Variants in B4GALT1 observed in about 807,000 individuals in gnomAD.
B4GALT1 encodes the protein beta-1,4-galactosyltransferase 1, also known as N-acetyllactosamine synthase.
Under a neutral mutation model 34.9 loss-of-function variants are expected in B4GALT1, and 16 were observed. The observed-to-expected ratio is 0.46, with a 90% CI of 0.31 to 0.70. B4GALT1 has a LOEUF of 0.70. Among genes scored for constraint, B4GALT1 ranks in the 30% least tolerant of loss-of-function variants. B4GALT1 has a pLI of 0.05. For missense variants in B4GALT1, 445 were observed against 530.5 expected (o/e 0.84, Z 1.58); for synonymous variants, 221 against 218.1 (o/e 1.01, Z -0.12).
the B4GALT1 span, among the ~76,000 whole-genome samples, chr9:33,184,691 A>G: frequency 2.0e-5 from 3 of 152,232 alleles, no homozygotes; most frequent in Non-Finnish European, 4.4e-5. Flanking sequence ...GGCAATACCA[A>G]TGCTGCTGAT....
upstream of B4GALT1, among the ~76,000 whole-genome samples, chr9:33,168,388 C>T (rs1013985134): frequency 6.6e-6 from 1 of 152,234 alleles, no homozygotes; most frequent in Non-Finnish European, 1.5e-5. Context: ...CAGAGAAAGA[C>T]TCATGGAGGT....
intron 4 of B4GALT1, among the ~76,000 whole-genome samples, chr9:33,114,083 C>T (rs937150656): frequency 1.3e-5 from 2 of 152,198 alleles, no homozygotes; most frequent in Admixed American, 1.3e-4. Context: ...ACTGGTTCTG[C>T]GGTTTGTGGT....
chr9:33,132,568 C>T (rs1840209335), intron 2 of B4GALT1, among the ~76,000 whole-genome samples: 1 of 152,242 alleles, frequency 6.6e-6, no homozygotes, highest in Non-Finnish European at 1.5e-5. Flanking sequence ...CACAGCTGTG[C>T]CACCGGTCTG....
chr9:33,166,825 G>C lies in B4GALT1; in HGVS notation c.345C>G (p.Thr115=), dbSNP rs1840763611. ...CGGTGGTGTGGGGCACTGGGACCGA[G>C]GTCAAGTTGCTAGCGGGGCCAGGGC... ...DSGPGPASNL[T]SVPVPHTTAL... Residue 115 remains threonine, a synonymous_variant, in exon 1 of 6, where the codon ACC becomes ACG. Coordinates refer to ENST00000379731, the MANE Select transcript of B4GALT1 (RefSeq NM_001497.4). 5.8e-6 allele frequency: 9 copies of C among 1,551,980 alleles called. No individual in the cohort carries two copies. The highest frequency in any genetic ancestry group is 1.7e-4 in the Middle Eastern group (1 of 5,838).
chr9:33,138,869 C>A (rs1229772244), intron 1 of B4GALT1, among the ~76,000 whole-genome samples: 2 of 152,168 alleles, frequency 1.3e-5, no homozygotes, highest in Non-Finnish European at 2.9e-5. Flanking sequence ...GCAACTGACA[C>A]CACCATCTCC....
chr9:33,176,237 C>G, the B4GALT1 span, among the ~76,000 whole-genome samples: 1 of 152,148 alleles, frequency 6.6e-6, no homozygotes, highest in Non-Finnish European at 1.5e-5. Context: ...TCACTGGGTA[C>G]CCGGTGTGCT....
chr9:33,131,023 G>A (rs1840187521), intron 2 of B4GALT1, among the ~76,000 whole-genome samples: 2 of 152,142 alleles, frequency 1.3e-5, no homozygotes, highest in South Asian at 2.1e-4. Context: ...CACCAAGGAG[G>A]AAACTGAGGC....
chr9:33,118,319 A>G (rs79530782), intron 3 of B4GALT1, among the ~76,000 whole-genome samples: 10,792 of 152,150 alleles, frequency 0.071, 594 homozygotes, highest in African/African-American at 0.15. Context: ...GCTCCCAGCA[A>G]GGGAGGACAG....
the B4GALT1 span, among the ~76,000 whole-genome samples, chr9:33,180,673 G>A: frequency 0.039 from 5,864 of 152,168 alleles, 155 homozygotes; most frequent in Non-Finnish European, 0.062. Context: ...GCCTCTTAGC[G>A]TCACTCCTAA....
intron 1 of B4GALT1, among the ~76,000 whole-genome samples, chr9:33,157,868 T>C (rs1840619089): frequency 6.6e-6 from 1 of 152,238 alleles, no homozygotes; most frequent in South Asian, 2.1e-4. Context: ...TCATAACATC[T>C]ATGAGGTGGA....
rs868422108 is a variant in B4GALT1, at chr9:33,167,251, C to T, written c.-82G>A. The T allele has an allele frequency of 3.5e-6, 5 of 1,423,596 alleles. No individual in the cohort carries two copies. The highest frequency in any genetic ancestry group is 3.0e-5 in the South Asian group (2 of 66,424). 88.2% of individuals were successfully genotyped at this position (1,423,596 alleles called of 1,614,324 possible). On this transcript the variant is annotated 5_prime_UTR_variant, in exon 1 of 6. Coordinates refer to ENST00000379731, the MANE Select transcript of B4GALT1 (RefSeq NM_001497.4). The stretch of plus-strand genomic sequence containing the variant: ...GCGGGCCGCCCGCCAGGCGCTGCCC[C>T]ACAGCGGCGACTAGGGGAGGGCCCG...
rs954820620 is a variant in B4GALT1 at position 33,113,987 on chromosome 9, C to T, written c.960-109G>A. 15 of 1,013,288 alleles carry T rather than the reference C, an allele frequency of 1.5e-5. No individual in the cohort carries two copies. In the African/African-American group the frequency reaches 2.4e-4, roughly 16 times the overall value. The allele number at this position is 1,013,288 out of a possible 1,614,324, so 62.8% of individuals were successfully genotyped here. On this transcript the variant is annotated intron_variant, in intron 4 of 5. Coordinates refer to ENST00000379731, the MANE Select transcript of B4GALT1 (RefSeq NM_001497.4). ...TCCACCATCACCCTTGCTGTTCTCA[C>T]TCAGCCCACAACCCAGCATCATGCC...
At chr9:33,148,936 T>C (rs1301960393) in intron 1 of B4GALT1, among the ~76,000 whole-genome samples, 3 of 152,178 alleles carry the variant, frequency 2.0e-5, no homozygotes, top group Non-Finnish European at 4.4e-5. Flanking sequence ...TGGGATAGTC[T>C]GAACATCAGA....
At chr9:33,164,075 T>G (rs1044697359) in intron 1 of B4GALT1, among the ~76,000 whole-genome samples, 2 of 152,132 alleles carry the variant, frequency 1.3e-5, no homozygotes, top group East Asian at 1.9e-4. Flanking sequence ...TCCAATCCGG[T>G]GCCTTATGTC....
chr9:33,126,576 A>C (rs1376657705), intron 2 of B4GALT1, among the ~76,000 whole-genome samples: 1 of 152,218 alleles, frequency 6.6e-6, no homozygotes, highest in Non-Finnish European at 1.5e-5. Flanking sequence ...CACCACACCC[A>C]GCTGGGCTCT....
chr9:33,118,193 GAA>G (rs1839967687), intron 3 of B4GALT1, among the ~76,000 whole-genome samples: 2 of 152,208 alleles, frequency 1.3e-5, no homozygotes, highest in South Asian at 4.1e-4. Flanking sequence ...AAGGATTTCT[GAA>G]GAGTCTAAAA....
Position 33,166,865 on chromosome 9 carries a change from G to T in B4GALT1, c.305C>A (p.Pro102Gln). Residue 102 changes from proline (P) to glutamine (Q), a missense_variant, in exon 1 of 6, where the codon CCA (proline) becomes CAA (glutamine). By Grantham distance (76) the Pro-to-Gln change is moderately conservative (BLOSUM62 -1). Transcript: ENST00000379731. ...GGGGCCAGGGCCAGAATCCACGACT[G>T]GGCTGGAGTCGCCACCCGGGCGCGG... ...SQPRPGGDSSPVVDSGPGPAS... is the reference protein window; with the variant it reads ...SQPRPGGDSSQVVDSGPGPAS... 6.3e-7 allele frequency: 1 copy of T among 1,577,908 alleles called. No homozygotes were observed.
At chr9:33,183,569 G>A in the B4GALT1 span, among the ~76,000 whole-genome samples, 1 of 132,440 alleles carries the variant, frequency 7.6e-6, no homozygotes, top group Non-Finnish European at 1.6e-5. Context: ...TCACTCATAG[G>A]TGGGAATTGA....
chr9:33,144,514 A>G (rs1007801234), intron 1 of B4GALT1, among the ~76,000 whole-genome samples: 2 of 152,220 alleles, frequency 1.3e-5, no homozygotes, highest in Non-Finnish European at 2.9e-5. Context: ...CTGGGATTAC[A>G]GGCATGAGCC....
Sources: gnomAD v4.1 joint callset for allele counts (sites outside exome capture counted in the v4.1 genomes callset) on GRCh38, gnomAD v4.1.1 for gene constraint, MANE v1.5 for transcripts, NCBI Gene and HGNC (gene_info 2026-07-23, HGNC 2026-07-21) for gene names.